The following XDH variants were observed in gnomAD, a reference collection of about 807,000 sequenced individuals.
The protein encoded by XDH is xanthine dehydrogenase/oxidase.
Under a neutral mutation model 156.1 loss-of-function variants are expected in XDH, and 138 were observed. The ratio of observed to expected loss-of-function variants is 0.88; its 90% CI spans 0.77 to 1.02. The LOEUF is 1.02. Among genes scored for constraint, XDH ranks in the 50% least tolerant of loss-of-function variants. The pLI is 0.00. For missense variants in XDH, 1,849 were observed against 1,684.9 expected (o/e 1.10, Z -1.71); for synonymous variants, 669 against 625.7 (o/e 1.07, Z -1.03).
At chr2:31,377,325 G>A in intron 13 of XDH, 88 bp from the exon 14 acceptor site, 2 of 1,460,138 alleles carry the variant, frequency 1.4e-6, no homozygotes, top group South Asian at 2.3e-5. Context: ...TATGAGGTGA[G>A]GTGAGGGGAT....
chr2:31,372,407 C>G lies in XDH; in HGVS notation c.1687-10G>C. ...GACCCTTGGGCACCTCCTGGAATGA[C>G]AGGGTCATCAATCAGGGTGAGCTGC... is the stretch of plus-strand genomic sequence containing the variant. On this transcript the variant is annotated splice_polypyrimidine_tract_variant and intron_variant, in intron 16 of 35. Transcript: ENST00000379416. 6.2e-7 allele frequency: 1 copy of G among 1,613,936 alleles called. No homozygotes were observed. Among genetic ancestry groups the G allele is most frequent in the Non-Finnish European group, 8.5e-7 (1 of 1,180,018 alleles).
intron 35 of XDH, among the ~76,000 whole-genome samples, chr2:31,336,596 C>A (rs907822270): frequency 2.6e-5 from 4 of 151,464 alleles, no homozygotes; most frequent in African/African-American, 9.7e-5. Flanking sequence ...ATCTTTACTG[C>A]CTGGGAGTGC....
intron 6 of XDH, among the ~76,000 whole-genome samples, chr2:31,396,164 T>C (rs1032349950): frequency 6.6e-6 from 1 of 152,328 alleles, no homozygotes; most frequent in Admixed American, 6.5e-5. Context: ...GCATTTTGGC[T>C]GCTCAGAGCT....
At chr2:31,349,649 C>G (rs1323927157) in intron 26 of XDH, 37 bp downstream of exon 26, 2 of 1,613,078 alleles carry the variant, frequency 1.2e-6, no homozygotes, top group East Asian at 2.2e-5. Flanking sequence ...GATATGAAAC[C>G]CAGAAGAGCA....
intron 30 of XDH, 80 bp downstream of exon 30, chr2:31,346,689 C>A (rs1166302131): frequency 2.0e-6 from 3 of 1,533,808 alleles, no homozygotes; most frequent in African/African-American, 1.4e-5. Flanking sequence ...TCTCCTATTA[C>A]TTGTTCGGAT....
At chr2:31,364,611 G>C (rs560016208) in intron 23 of XDH, among the ~76,000 whole-genome samples, 1 of 152,176 alleles carries the variant, frequency 6.6e-6, no homozygotes, top group South Asian at 2.1e-4. Context: ...GAAAGATACC[G>C]GACTGTCTCC....
At chr2:31,360,876 A>G (rs1685759129) in intron 24 of XDH, among the ~76,000 whole-genome samples, 2 of 152,222 alleles carry the variant, frequency 1.3e-5, no homozygotes. Flanking sequence ...GTTCAGTACT[A>G]TCTGATGTTT....
chr2:31,347,587 T>G lies in XDH; in HGVS notation c.3211A>C (p.Thr1071Pro). 2 of 1,614,148 alleles carry G rather than the reference T, an allele frequency of 1.2e-6. No homozygotes were observed. The highest frequency in any genetic ancestry group is 1.7e-6 in the Non-Finnish European group (2 of 1,180,014). ...GCCGTGGGAGAGGTGTTGGGCACAG[T>G]GTTAGTGCTTGTCTCGCTGATATAA... Reference protein sequence around the residue: ...KIYISETSTNTVPNTSPTAAS... With the variant: ...KIYISETSTNPVPNTSPTAAS... The change falls in exon 29 of 36, where the codon ACT becomes CCT. Residue 1071 changes from threonine (T) to proline (P), a missense_variant. Thr to Pro is a conservative substitution (Grantham distance 38). Coordinates refer to ENST00000379416, the MANE Select transcript of XDH (RefSeq NM_000379.4).
rs1383192993 is a variant in XDH, at chr2:31,334,394, T to C, written c.*1564A>G. 2.0e-5 allele frequency: 3 copies of C among 152,200 alleles called. No homozygotes were observed. The highest frequency in any genetic ancestry group is 1.3e-4 in the Admixed American group (2 of 15,274). 9.4% of individuals were successfully genotyped at this position (152,200 alleles called of 1,614,324 possible). ...TATCATTTCCACTATCCTCCCTCCA[T>C]GGCCAGAACCACAGATTCTCTCTGG... On this transcript the variant is annotated 3_prime_UTR_variant, in exon 36 of 36. Transcript: ENST00000379416.
chr2:31,348,839 A>C, intron 27 of XDH, 60 bp downstream of exon 27: 2 of 1,485,978 alleles, frequency 1.3e-6, no homozygotes, highest in South Asian at 2.3e-5. Flanking sequence ...AATACTGTAA[A>C]CAACAGGGAA....
chr2:31,345,676 C>T (rs191822998), intron 30 of XDH, among the ~76,000 whole-genome samples: 54 of 152,004 alleles, frequency 3.6e-4, no homozygotes, highest in Middle Eastern at 6.9e-3. Flanking sequence ...ACATAATGTG[C>T]GTGTGCATGT....
At chr2:31,372,581 A>C (rs1686107167) in intron 16 of XDH, among the ~76,000 whole-genome samples, 184 bp from the exon 17 acceptor site, 1 of 152,234 alleles carries the variant, frequency 6.6e-6, no homozygotes, top group African/African-American at 2.4e-5. Context: ...GGGTGGTCCT[A>C]GTGTTGTTAT....
At position 31,405,939 on chromosome 2, in the gene XDH, T is replaced by G; in HGVS notation, c.68A>C (p.Glu23Ala). The change falls in exon 2 of 36, where the codon GAG becomes GCG. Residue 23 changes from glutamate to alanine, a missense_variant. Physicochemically the swap from Glu to Ala is moderately radical, Grantham distance 107 (BLOSUM62 -1). Transcript: ENST00000379416. The part of the protein sequence containing the change: ...RKVVEKNADP[E>A]TTLLAYLRRK... ...TCTCAGGTAGGCCAAAAGGGTTGTC[T>G]CTGGATCTGCATTTTTCTCCACCAC... 1 of 1,614,200 alleles carries G rather than the reference T, an allele frequency of 6.2e-7. No individual in the cohort carries two copies. The highest frequency in any genetic ancestry group is 1.7e-5 in the Admixed American group (1 of 60,030).
Position 31,398,710 on chromosome 2 carries a change from C to G in XDH, c.307-11G>C. On this transcript the variant is annotated splice_polypyrimidine_tract_variant and intron_variant, in intron 4 of 35. Transcript: ENST00000379416. ...TTTGGCAATTCTCTCCTAAAAGATA[C>G]AGATGACATAGACACCTGGGATGGC... 4.3e-6 allele frequency: 7 copies of G among 1,613,256 alleles called. No individual in the cohort carries two copies. Among genetic ancestry groups the G allele is most frequent in the Non-Finnish European group, 5.1e-6 (6 of 1,179,454 alleles).
intron 35 of XDH, among the ~76,000 whole-genome samples, chr2:31,336,491 C>T (rs140634762): frequency 1.3e-5 from 2 of 152,030 alleles, no homozygotes; most frequent in Non-Finnish European, 2.9e-5. Flanking sequence ...ATGCCACCCA[C>T]TCCTCTCAGG....
At chr2:31,402,287 CT>C (rs1480232596) in intron 3 of XDH, among the ~76,000 whole-genome samples, 4 of 152,216 alleles carry the variant, frequency 2.6e-5, no homozygotes, top group Non-Finnish European at 4.4e-5. Flanking sequence ...CAAATAATTT[CT>C]TTGCTTTTTG....
rs1686262668 is a variant in XDH at position 31,376,989 on chromosome 2, G to A, written c.1427+64C>T. 65 of 1,591,176 alleles carry A rather than the reference G, an allele frequency of 4.1e-5. No individual in the cohort carries two copies. In the South Asian group the frequency reaches 6.3e-4, roughly 15 times the overall value. On this transcript the variant is annotated intron_variant, in intron 14 of 35. Transcript: ENST00000379416. ...ACTGGTAGTCATAGTAGCAGCAGCA[G>A]TAACAATGATACTATTAGTAGCAGC...
At chr2:31,377,876 C>T (rs1686288587) in intron 13 of XDH, among the ~76,000 whole-genome samples, 2 of 150,942 alleles carry the variant, frequency 1.3e-5, no homozygotes, top group Non-Finnish European at 2.9e-5. Flanking sequence ...AAAAAATTAG[C>T]CAGGTGTGGT....
At position 31,368,027 on chromosome 2, in the gene XDH, G is replaced by A. The variant is rs1359095988; in HGVS notation, c.2131C>T (p.Pro711Ser). The change falls in exon 20 of 36, where the codon CCT becomes TCT. Residue 711 changes from proline (P) to serine (S), a missense_variant. By Grantham distance (74) the Pro-to-Ser change is moderately conservative. Coordinates refer to ENST00000379416, the MANE Select transcript of XDH (RefSeq NM_000379.4). ...TCCCCTTTCTCGATCTTCAGCTCAG[G>A]TCCATAAAAGGAGTTGTTCTTTATA... ...DAIKNNSFYG[P>S]ELKIEKGDLK... is the part of the protein sequence containing the mutation. The A allele has an allele frequency of 6.2e-7, 1 of 1,614,118 alleles. No individual in the cohort carries two copies. Among genetic ancestry groups the A allele is most frequent in the South Asian group, 1.1e-5 (1 of 91,086 alleles).
Sources: gnomAD v4.1 joint callset for allele counts (sites outside exome capture counted in the v4.1 genomes callset) on GRCh38, gnomAD v4.1.1 for gene constraint, MANE v1.5 for transcripts, NCBI Gene and HGNC (gene_info 2026-07-23, HGNC 2026-07-21) for gene names.